Variants in NCK2 observed in about 807,000 individuals in gnomAD.
NCK2 encodes cytoplasmic protein NCK2.
In NCK2, 16 loss-of-function variants were observed where a neutral mutation model predicts 33.9. That is an observed-to-expected ratio of 0.47 (90% CI 0.32 to 0.72). The LOEUF (loss-of-function observed/expected upper bound fraction) is 0.72, where lower values mean the gene tolerates loss of function less well. NCK2 is among the 30% of genes least tolerant of loss of function. The probability of loss-of-function intolerance (pLI) is 0.03; values close to 1 mark genes in which losing one functional copy is unlikely to be tolerated. For synonymous variants in NCK2, 273 were observed against 239.9 expected (o/e 1.14, Z -1.27); for missense variants, 418 against 537.3 (o/e 0.78, Z 2.19).
At chr2:105,804,130 G>A (rs1389362677) in intron 1 of NCK2, among the ~76,000 whole-genome samples, 2 of 152,160 alleles carry the variant, frequency 1.3e-5, no homozygotes, top group African/African-American at 4.8e-5. Context: ...CTAATTTCAA[G>A]GGTGTACTCT....
At chr2:105,860,481 G>T (rs554856160) in intron 3 of NCK2, among the ~76,000 whole-genome samples, 1 of 152,156 alleles carries the variant, frequency 6.6e-6, no homozygotes, top group African/African-American at 2.4e-5. Context: ...AGCCGTAGGC[G>T]TCTCAGAATG....
intron 3 of NCK2, among the ~76,000 whole-genome samples, chr2:105,858,135 G>T (rs951773501): frequency 2.0e-5 from 3 of 151,700 alleles, no homozygotes; most frequent in Non-Finnish European, 2.9e-5. Flanking sequence ...AATTAAACAG[G>T]TATACCATCA....
chr2:105,871,827 G>A (rs1217597019), intron 3 of NCK2, among the ~76,000 whole-genome samples: 1 of 152,066 alleles, frequency 6.6e-6, no homozygotes, highest in Non-Finnish European at 1.5e-5. Flanking sequence ...AACTACTAGA[G>A]GTAAAAAGTT....
intron 1 of NCK2, among the ~76,000 whole-genome samples, chr2:105,783,585 C>G (rs755522239): frequency 6.6e-6 from 1 of 152,128 alleles, no homozygotes; most frequent in Non-Finnish European, 1.5e-5. Flanking sequence ...GGAAGGCAGC[C>G]GTTCGCGGAG....
chr2:105,875,035 CAT>C (rs1356301248), intron 3 of NCK2, among the ~76,000 whole-genome samples: 7 of 152,296 alleles, frequency 4.6e-5, no homozygotes, highest in African/African-American at 1.2e-4. Context: ...CTGCAGTACA[CAT>C]GTTATTTTAT....
chr2:105,804,294 T>C (rs79320642), intron 1 of NCK2, among the ~76,000 whole-genome samples: 183 of 152,356 alleles, frequency 1.2e-3, no homozygotes, highest in African/African-American at 4.3e-3. Flanking sequence ...CTTTGATGTT[T>C]GCACTGGATG....
chr2:105,793,316 T>G (rs955994088), intron 1 of NCK2, among the ~76,000 whole-genome samples: 2 of 151,312 alleles, frequency 1.3e-5, no homozygotes, highest in Non-Finnish European at 2.9e-5. Context: ...TTGTCAACTG[T>G]CATGGTCCTA....
chr2:105,784,964 C>T lies in NCK2; in HGVS notation c.-200-31466C>T, dbSNP rs973131782. ...TTATGTGTTTTTTTGTGTGTTTTTTCGTTTTTGTTTTGTTTTTGTTTTTGT... is the reference window on the plus strand; with the variant it reads ...TTATGTGTTTTTTTGTGTGTTTTTTTGTTTTTGTTTTGTTTTTGTTTTTGT... On this transcript the variant is annotated intron_variant, in intron 1 of 4. Transcript: ENST00000233154. Among the ~76,000 whole-genome samples, 161 of 152,134 alleles carry T rather than the reference C, an allele frequency of 1.1e-3. 2 individuals are homozygous for T. The highest frequency in any genetic ancestry group is 3.7e-3 in the African/African-American group (153 of 41,494).
chr2:105,779,420 G>A (rs376323437), intron 1 of NCK2, among the ~76,000 whole-genome samples: 1 of 152,148 alleles, frequency 6.6e-6, no homozygotes, highest in Non-Finnish European at 1.5e-5. Flanking sequence ...TAACTAAAGG[G>A]GATACTTTAA....
intron 1 of NCK2, among the ~76,000 whole-genome samples, chr2:105,772,972 G>A (rs1690184138): frequency 6.7e-6 from 1 of 149,036 alleles, no homozygotes; most frequent in Non-Finnish European, 1.5e-5. Flanking sequence ...GCTCACTGAT[G>A]CCTTGAACTC....
At chr2:105,823,284 A>C (rs1675818542) in intron 2 of NCK2, among the ~76,000 whole-genome samples, 1 of 151,738 alleles carries the variant, frequency 6.6e-6, no homozygotes, top group African/African-American at 2.4e-5. Context: ...GGATGTACAG[A>C]ACTGAAGGGA....
chr2:105,793,027 A>G (rs979290828), intron 1 of NCK2, among the ~76,000 whole-genome samples: 2 of 152,008 alleles, frequency 1.3e-5, no homozygotes, highest in Non-Finnish European at 2.9e-5. Context: ...GTCCTGTGTC[A>G]TGAAGCCAAC....
intron 1 of NCK2, among the ~76,000 whole-genome samples, chr2:105,767,951 A>G (rs1233445088): frequency 6.6e-6 from 1 of 152,162 alleles, no homozygotes; most frequent in African/African-American, 2.4e-5. Flanking sequence ...GTCTTTCTAC[A>G]TGTGAAAAAT....
chr2:105,821,151 G>C (rs1273148286), intron 2 of NCK2, among the ~76,000 whole-genome samples: 1 of 152,042 alleles, frequency 6.6e-6, no homozygotes, highest in Non-Finnish European at 1.5e-5. Context: ...TTTTTCCTAG[G>C]GTGTGTACAC....
At chr2:105,819,749 A>G (rs1675651042) in intron 2 of NCK2, among the ~76,000 whole-genome samples, 1 of 152,240 alleles carries the variant, frequency 6.6e-6, no homozygotes, top group East Asian at 1.9e-4. Context: ...TCATAAGTTT[A>G]TAAGTTCCAC....
At chr2:105,761,785 C>T (rs1178242061) in intron 1 of NCK2, among the ~76,000 whole-genome samples, 1 of 152,150 alleles carries the variant, frequency 6.6e-6, no homozygotes, top group African/African-American at 2.4e-5. Context: ...GAGACTGAGG[C>T]AGGAGGATCA....
intron 1 of NCK2, among the ~76,000 whole-genome samples, chr2:105,791,881 AT>A (rs1690895232): frequency 6.6e-6 from 1 of 152,120 alleles, no homozygotes; most frequent in Non-Finnish European, 1.5e-5. Flanking sequence ...GAGTGAACTG[AT>A]TTTTCTTTTT....
At chr2:105,870,953 AG>A (rs1228008372) in intron 3 of NCK2, among the ~76,000 whole-genome samples, 1 of 151,748 alleles carries the variant, frequency 6.6e-6, no homozygotes, top group South Asian at 2.1e-4. Flanking sequence ...GAAGGGAAGG[AG>A]GAAGAAATAG....
intron 3 of NCK2, among the ~76,000 whole-genome samples, chr2:105,869,072 C>A (rs1677880815): frequency 6.6e-6 from 1 of 152,192 alleles, no homozygotes; most frequent in African/African-American, 2.4e-5. Flanking sequence ...CGCTGCCCAC[C>A]CTTACCTGGG....
Sources: gnomAD v4.1 joint callset for allele counts (sites outside exome capture counted in the v4.1 genomes callset) on GRCh38, gnomAD v4.1.1 for gene constraint, MANE v1.5 for transcripts, NCBI Gene and HGNC (gene_info 2026-07-23, HGNC 2026-07-21) for gene names.